The following HMCN1 variants were observed in gnomAD, a reference collection of about 807,000 sequenced individuals.
HMCN1 encodes the protein hemicentin-1.
HMCN1 carries 321 observed loss-of-function variants against 625.9 expected under a neutral mutation model. The observed-to-expected ratio is 0.51, with a 90% CI of 0.47 to 0.56. The LOEUF is 0.56. Ranked by LOEUF, HMCN1 falls within the 20% of genes least tolerant of loss-of-function variation. The pLI is 0.00. For synonymous variants in HMCN1, 2,425 were observed against 2,417.6 expected (o/e 1.00, Z -0.09); for missense variants, 6,588 against 6,887.3 (o/e 0.96, Z 1.54).
Position 186,136,175 on chromosome 1 carries a change from C to CAA in HMCN1, c.13313-485_13313-484dup, listed in dbSNP as rs11379734. Among the ~76,000 whole-genome samples, 25 of 149,642 alleles carry CAA rather than the reference C, an allele frequency of 1.7e-4. No individual in the cohort carries two copies. In the South Asian group the frequency reaches 2.3e-3, roughly 14 times the overall value. Reference sequence around the variant, plus strand: ...TGGGTGACAAAGGGAGACTCTGGCTCAAAAAAAAAGAATGAGTTAATGACT... The same window carrying CAA: ...TGGGTGACAAAGGGAGACTCTGGCTCAAAAAAAAAAAGAATGAGTTAATGACT... On this transcript the variant is annotated intron_variant, in intron 86 of 106. Transcript: ENST00000271588.
chr1:186,132,262 G>T, intron 85 of HMCN1, 66 bp from the exon 86 acceptor site: 1 of 1,091,748 alleles, frequency 9.2e-7, no homozygotes, highest in Non-Finnish European at 1.4e-6. Context: ...TAGCATCATG[G>T]TGAAAAAAGT....
At chr1:185,984,049 G>T in intron 18 of HMCN1, 120 bp from the exon 19 acceptor site, 1 of 721,230 alleles carries the variant, frequency 1.4e-6, no homozygotes, top group Non-Finnish European at 2.3e-6. Flanking sequence ...AAGGACATTA[G>T]AATATTTTGT....
At chr1:186,131,517 T>C (rs567145984) in intron 85 of HMCN1, among the ~76,000 whole-genome samples, 291 of 152,258 alleles carry the variant, frequency 1.9e-3, no homozygotes, top group African/African-American at 6.6e-3. Flanking sequence ...GTATCTCCAA[T>C]GCTGAAACTC....
intron 4 of HMCN1, among the ~76,000 whole-genome samples, chr1:185,899,419 A>T (rs1450657056): frequency 6.6e-6 from 1 of 152,176 alleles, no homozygotes. Flanking sequence ...AGATGTTAAC[A>T]AAATTGTTCT....
intron 47 of HMCN1, among the ~76,000 whole-genome samples, 198 bp downstream of exon 47, chr1:186,062,162 A>T (rs1195334536): frequency 6.6e-6 from 1 of 152,186 alleles, no homozygotes; most frequent in Non-Finnish European, 1.5e-5. Flanking sequence ...GCCTGTTTTA[A>T]TTCACAATTG....
Position 186,182,271 on chromosome 1 carries a change from T to C in HMCN1, c.16398T>C (p.Asn5466=). ...ICPPGYQLTH[N]GKTCQDIDEC... is the part of the protein sequence containing the mutation. ...CACCTGGCTATCAACTCACACACAATGGAAAGACATGCCAAGGTGAGAAAA... is the reference window on the plus strand; with the variant it reads ...CACCTGGCTATCAACTCACACACAACGGAAAGACATGCCAAGGTGAGAAAA... Residue 5466 remains asparagine (N), a synonymous_variant, in exon 105 of 107, where the codon AAT becomes AAC. Coordinates refer to ENST00000271588, the MANE Select transcript of HMCN1 (RefSeq NM_031935.3). The C allele has an allele frequency of 6.2e-7, 1 of 1,613,424 alleles. No homozygotes were observed. Among genetic ancestry groups the C allele is most frequent in the Non-Finnish European group, 8.5e-7 (1 of 1,179,462 alleles).
intron 55 of HMCN1, among the ~76,000 whole-genome samples, chr1:186,080,503 A>G (rs529969064): frequency 6.6e-6 from 1 of 152,308 alleles, no homozygotes; most frequent in Non-Finnish European, 1.5e-5. Context: ...GCTGGATTCT[A>G]TAGTATTGTT....
At chr1:186,094,146 G>T (rs961286499) in intron 66 of HMCN1, 130 bp from the exon 67 acceptor site, 26 of 761,004 alleles carry the variant, frequency 3.4e-5, no homozygotes, top group Admixed American at 1.2e-4. Context: ...GTGATGGATG[G>T]CTATAAGCTT....
intron 1 of HMCN1, among the ~76,000 whole-genome samples, chr1:185,793,758 A>T (rs1442664605): frequency 6.6e-6 from 1 of 152,202 alleles, no homozygotes; most frequent in East Asian, 1.9e-4. Context: ...CAGGGTTTTC[A>T]GGGGACATTT....
chr1:185,857,588 G>T (rs1164900222), intron 2 of HMCN1, among the ~76,000 whole-genome samples: 1 of 151,990 alleles, frequency 6.6e-6, no homozygotes, highest in Non-Finnish European at 1.5e-5. Context: ...AGAGGGGTGT[G>T]GGGGAGAGAT....
intron 97 of HMCN1, among the ~76,000 whole-genome samples, chr1:186,164,433 C>T (rs915243226): frequency 3.3e-5 from 5 of 151,806 alleles, no homozygotes; most frequent in African/African-American, 1.2e-4. Flanking sequence ...TAGAGACAGA[C>T]GGGGTTTCAC....
chr1:186,126,550 T>C (rs994448446), intron 82 of HMCN1, among the ~76,000 whole-genome samples: 1 of 152,078 alleles, frequency 6.6e-6, no homozygotes, highest in African/African-American at 2.4e-5. Context: ...TCAGAGTAAA[T>C]TCTCTTTGGG....
At chr1:185,977,522 G>T (rs1021226962) in intron 15 of HMCN1, among the ~76,000 whole-genome samples, 1 of 152,020 alleles carries the variant, frequency 6.6e-6, no homozygotes, top group African/African-American at 2.4e-5. Context: ...TTTATTTAAG[G>T]TTATTATAAT....
chr1:185,909,549 A>T (rs994929878), intron 5 of HMCN1, 41 bp downstream of exon 5: 1 of 1,528,144 alleles, frequency 6.5e-7, no homozygotes, highest in Non-Finnish European at 9.1e-7. Context: ...TACAAAATAC[A>T]TAGAGGGTAA....
intron 1 of HMCN1, among the ~76,000 whole-genome samples, chr1:185,780,165 T>C (rs1656959248): frequency 6.6e-6 from 1 of 152,218 alleles, no homozygotes. Flanking sequence ...TATTGGTGTA[T>C]AAGAATGCTT....
At chr1:185,928,699 A>G (rs1425357959) in intron 10 of HMCN1, 32 bp downstream of exon 10, 1 of 1,609,512 alleles carries the variant, frequency 6.2e-7, no homozygotes. Flanking sequence ...GCAGTTGCCC[A>G]AGTATTAATG....
In HMCN1 at chr1:186,178,499, C is replaced by T. The variant is rs1652738015; in HGVS notation, c.16027C>T (p.Pro5343Ser). The change falls in exon 104 of 107, where the codon CCA (proline) becomes TCA (serine). Residue 5343 changes from proline (P) to serine (S), a missense_variant. Pro to Ser is a moderately conservative substitution (Grantham distance 74). Around this residue, in one of 3 missense-constraint regions of HMCN1, gnomAD observed 1,954 missense variants for 2,013.1 expected, o/e 0.97. Coordinates refer to ENST00000271588, the MANE Select transcript of HMCN1 (RefSeq NM_031935.3). Reference protein sequence around the residue: ...TPGSFKCICPPGQHLLGDGKS... With the variant: ...TPGSFKCICPSGQHLLGDGKS... Reference sequence around the variant, plus strand: ...CGGCAGCTTCAAGTGTATCTGTCCACCAGGACAACATTTATTAGGGGACGG... The same window carrying T: ...CGGCAGCTTCAAGTGTATCTGTCCATCAGGACAACATTTATTAGGGGACGG... 1 of 1,613,938 alleles carries T rather than the reference C, an allele frequency of 6.2e-7. No individual in the cohort carries two copies. The highest frequency in any genetic ancestry group is 1.3e-5 in the African/African-American group (1 of 74,898).
At chr1:185,921,601 A>G (rs1389419785) in intron 6 of HMCN1, among the ~76,000 whole-genome samples, 1 of 152,166 alleles carries the variant, frequency 6.6e-6, no homozygotes, top group Non-Finnish European at 1.5e-5. Context: ...TGAGTTTGAA[A>G]TTGATAATTG....
chr1:185,910,052 T>C (rs577039701), intron 5 of HMCN1, among the ~76,000 whole-genome samples: 5 of 152,290 alleles, frequency 3.3e-5, no homozygotes, highest in African/African-American at 1.2e-4. Context: ...CCATTGCTAG[T>C]TGATAACTAC....
Sources: gnomAD v4.1 joint callset for allele counts (sites outside exome capture counted in the v4.1 genomes callset) on GRCh38, gnomAD v4.1.1 for gene constraint, gnomAD v4.1.1 regional missense constraint, MANE v1.5 for transcripts, NCBI Gene and HGNC (gene_info 2026-07-23, HGNC 2026-07-21) for gene names.